MCM2: variants seen among roughly 807,000 people sequenced by gnomAD.
MCM2 encodes DNA replication licensing factor MCM2.
Under a neutral mutation model 86.4 loss-of-function variants are expected in MCM2, and 49 were observed. The ratio of observed to expected loss-of-function variants is 0.57; its 90% CI spans 0.45 to 0.72. The LOEUF (loss-of-function observed/expected upper bound fraction) is 0.72. MCM2 is among the 30% of genes least tolerant of loss of function. MCM2 has a pLI of 0.00. For missense variants in MCM2, 1,038 were observed against 1,259.9 expected, an observed-to-expected ratio of 0.82 and a Z score of 2.67; for synonymous variants, 475 against 484.6, an observed-to-expected ratio of 0.98 and a Z score of 0.26.
At chr3:127,607,370 G>C (rs1055641836) in intron 6 of MCM2, among the ~76,000 whole-genome samples, 1 of 152,386 alleles carries the variant, frequency 6.6e-6, no homozygotes, top group African/African-American at 2.4e-5. Flanking sequence ...CATCGCCATC[G>C]CTGTGGTGGC....
rs1457449886 is a variant in MCM2, at chr3:127,618,995, A to G, written c.2014-32A>G. On this transcript the variant is annotated intron_variant, in intron 12 of 15. Coordinates refer to ENST00000265056, the MANE Select transcript of MCM2 (RefSeq NM_004526.4). The surrounding 1 kb of genome is among the most constrained non-coding windows in gnomAD (Gnocchi z 4.0). ...CCTCCCCAAAGCCACGCACACCCAC[A>G]ATCAGACCCACCCTCTCATGGCTTA... 5.2e-6 allele frequency: 8 copies of G among 1,547,952 alleles called. No individual in the cohort carries two copies. The highest frequency in any genetic ancestry group is 7.0e-6 in the Non-Finnish European group (8 of 1,143,062).
intron 2 of MCM2, among the ~76,000 whole-genome samples, chr3:127,602,519 C>T (rs568533970): frequency 2.5e-4 from 38 of 152,200 alleles, no homozygotes; most frequent in African/African-American, 8.9e-4. Flanking sequence ...GTCTACAGAG[C>T]GACCATAGGC....
chr3:127,607,123 C>T (rs1011876984), intron 6 of MCM2, among the ~76,000 whole-genome samples: 7 of 152,258 alleles, frequency 4.6e-5, no homozygotes, highest in Non-Finnish European at 1.0e-4. Flanking sequence ...CTTGCCAGGT[C>T]ACTCCTTCAG....
At chr3:127,620,208 C>T (rs2074465936) in intron 13 of MCM2, among the ~76,000 whole-genome samples, 1 of 152,182 alleles carries the variant, frequency 6.6e-6, no homozygotes, top group Non-Finnish European at 1.5e-5. Context: ...GCTTGCAAGC[C>T]ATGGGAATGC....
chr3:127,611,755 G>T (rs1240769571), intron 8 of MCM2, among the ~76,000 whole-genome samples: 1 of 127,458 alleles, frequency 7.8e-6, no homozygotes, highest in East Asian at 2.3e-4. Context: ...CTGGAGTGCA[G>T]TGGCGGGATC....
intron 2 of MCM2, among the ~76,000 whole-genome samples, chr3:127,600,996 AGT>A (rs2074303488): frequency 1.3e-5 from 2 of 152,056 alleles, no homozygotes; most frequent in African/African-American, 4.8e-5. Flanking sequence ...ACCACAATCC[AGT>A]GTGAGAACAG....
chr3:127,602,633 G>C (rs2074313770), intron 2 of MCM2, among the ~76,000 whole-genome samples: 1 of 152,216 alleles, frequency 6.6e-6, no homozygotes, highest in African/African-American at 2.4e-5. Flanking sequence ...AGAGCACAGT[G>C]CTTTGCACTC....
chr3:127,620,426 C>T (rs746046979), intron 13 of MCM2, among the ~76,000 whole-genome samples: 1 of 152,198 alleles, frequency 6.6e-6, no homozygotes. Context: ...ATACAACAGC[C>T]TCTGAGATGC....
At chr3:127,609,315 C>T (rs969022254) in intron 8 of MCM2, among the ~76,000 whole-genome samples, 5 of 152,040 alleles carry the variant, frequency 3.3e-5, no homozygotes, top group Admixed American at 1.3e-4. Flanking sequence ...GACGGGGTTG[C>T]GACGAGAAGA....
rs773303134 is a variant in MCM2, at chr3:127,598,445, C to A, written c.-22C>A. On this transcript the variant is annotated 5_prime_UTR_variant, in exon 1 of 16. Transcript: ENST00000265056. ...CGAAACCTGGTTGTTGCTGTAGTGG[C>A]GGAGAGGATCGTGGTACTGCTATGG... The A allele has an allele frequency of 1.9e-5, 31 of 1,613,300 alleles. No individual in the cohort carries two copies. In the Admixed American group the frequency reaches 5.0e-4, roughly 26 times the overall value.
chr3:127,619,419 C>T (rs2074459370), intron 13 of MCM2, 141 bp downstream of exon 13: 3 of 1,035,110 alleles, frequency 2.9e-6, no homozygotes, highest in Non-Finnish European at 4.1e-6. Flanking sequence ...AATGTAGGTG[C>T]CAGGCACAGT....
At position 127,621,916 on chromosome 3, in the gene MCM2, C is replaced by T; in HGVS notation, c.*143C>T. The T allele has an allele frequency of 1.7e-6, 1 of 594,326 alleles. No individual in the cohort carries two copies. Among genetic ancestry groups the T allele is most frequent in the Non-Finnish European group, 3.0e-6 (1 of 337,244 alleles). The allele number at this position is 594,326 out of a possible 1,614,324, so 36.8% of individuals were successfully genotyped here. A position where few individuals can be genotyped will look rare whatever the true frequency, so the allele number is the denominator to read the frequency against. Reference sequence around the variant, plus strand: ...CTTATAGCAGGATGTCTGGCTGCACCTGGCATGACTGTTTGTTTCTCCAAG... The same window carrying T: ...CTTATAGCAGGATGTCTGGCTGCACTTGGCATGACTGTTTGTTTCTCCAAG... On this transcript the variant is annotated 3_prime_UTR_variant, in exon 16 of 16. Transcript: ENST00000265056.
chr3:127,608,530 G>C lies in MCM2; in HGVS notation c.1236+14G>C. 1 of 1,613,950 alleles carries C rather than the reference G, an allele frequency of 6.2e-7. No homozygotes were observed. Among genetic ancestry groups the C allele is most frequent in the Non-Finnish European group, 8.5e-7 (1 of 1,179,892 alleles). ...GGAGACGAGATAGTAAGTGGCCGGG[G>C]CAGGCTGGGAGGGAGCCAAGTTGCA... On this transcript the variant is annotated intron_variant, in intron 7 of 15. Coordinates refer to ENST00000265056, the MANE Select transcript of MCM2 (RefSeq NM_004526.4).
At chr3:127,605,439 T>TTC (rs1421624366) in intron 4 of MCM2, among the ~76,000 whole-genome samples, 2 of 149,020 alleles carry the variant, frequency 1.3e-5, no homozygotes, top group South Asian at 2.1e-4. Flanking sequence ...TGACTCTTTT[T>TTC]TTTTTTTTTT....
intron 2 of MCM2, among the ~76,000 whole-genome samples, chr3:127,600,110 T>C (rs1209065177): frequency 1.3e-5 from 2 of 152,130 alleles, no homozygotes; most frequent in Non-Finnish European, 2.9e-5. Context: ...TGAAACCCCG[T>C]CTCTGCTAAA....
At position 127,608,902 on chromosome 3, in the gene MCM2, C is replaced by G. The variant is rs1368680304; in HGVS notation, c.1307C>G (p.Ala436Gly). The change falls in exon 8 of 16, where the codon GCC becomes GGC. Residue 436 changes from alanine to glycine, a missense_variant. This residue lies in a region of MCM2 where 399 missense variants were observed against 507.2 expected (regional missense o/e 0.79). Transcript: ENST00000265056. ...LNTANGFPVF[A>G]TVILANHVAK... ...ACTGCCAATGGCTTCCCTGTCTTTG[C>G]CACTGTCATCCTAGCCAACCACGTG... The G allele has an allele frequency of 6.2e-7, 1 of 1,614,018 alleles. No homozygotes were observed.
In MCM2 at chr3:127,617,162, G is replaced by C; in HGVS notation, c.1773+44G>C. ...GAGGCTGGTGGAACTCAGGGGGTGT[G>C]TGTGGGCTTGGGCCTTAGCGACGGG... On this transcript the variant is annotated intron_variant, in intron 10 of 15. Transcript: ENST00000265056. This position sits in a 1 kb window ranked among gnomAD's most constrained non-coding sequence, Gnocchi z 4.1. The C allele has an allele frequency of 7.5e-6, 12 of 1,607,196 alleles. No homozygotes were observed. The highest frequency in any genetic ancestry group is 9.4e-6 in the Non-Finnish European group (11 of 1,175,512).
chr3:127,605,177 C>T lies in MCM2; in HGVS notation c.673+21C>T, dbSNP rs372824305. On this transcript the variant is annotated intron_variant, in intron 4 of 15. Transcript: ENST00000265056. ...CAAAGGTGTGGCTTCCCTACGCCCC[C>T]GCCTCAGCCCCTGTAGCGCCTCCCT... 131 of 1,606,154 alleles carry T rather than the reference C, an allele frequency of 8.2e-5. 1 individual carries two copies. The highest frequency in any genetic ancestry group is 1.7e-4 in the Middle Eastern group (1 of 5,852).
intron 8 of MCM2, 51 bp downstream of exon 8, chr3:127,609,074 G>C: frequency 1.3e-6 from 2 of 1,590,264 alleles, no homozygotes; most frequent in Non-Finnish European, 1.7e-6. Context: ...AGAGGATATG[G>C]AGGGTTGCTG....
Sources: gnomAD v4.1 joint callset for allele counts (sites outside exome capture counted in the v4.1 genomes callset) on GRCh38, gnomAD v4.1.1 for gene constraint, gnomAD v4.1.1 regional missense constraint, Gnocchi (gnomAD v3.1) non-coding constraint, MANE v1.5 for transcripts, NCBI Gene and HGNC (gene_info 2026-07-23, HGNC 2026-07-21) for gene names.